SLC22A8: variants seen among roughly 807,000 people sequenced by gnomAD.
SLC22A8 encodes the protein solute carrier family 22 member 8, also known as organic anion transporter 3.
A neutral mutation model predicts 48.4 loss-of-function variants in SLC22A8; 40 were observed. The observed-to-expected ratio is 0.83, with a 90% CI of 0.64 to 1.08. The LOEUF (loss-of-function observed/expected upper bound fraction) is 1.08. Ranked by LOEUF, SLC22A8 falls within the 50% of genes least tolerant of loss-of-function variation. The pLI is 0.00. For synonymous variants in SLC22A8, 268 were observed against 286.3 expected (o/e 0.94, Z 0.65); for missense variants, 606 against 699.0 (o/e 0.87, Z 1.50).
rs182077681 is a variant in SLC22A8 at position 63,011,329 on chromosome 11, C to T, written c.333+3297G>A. On this transcript the variant is annotated intron_variant, in intron 2 of 10. Transcript: ENST00000336232. Reference sequence around the variant, plus strand: ...TGAAGATGAAATGAGTTTATGTGGCCGAAGTGCTTAGAACCATCTGGCACA... The same window carrying T: ...TGAAGATGAAATGAGTTTATGTGGCTGAAGTGCTTAGAACCATCTGGCACA... 3.9e-5 allele frequency among the ~76,000 whole-genome samples: 6 copies of T among 152,202 alleles called. No individual in the cohort carries two copies. The East Asian group carries it at 7.7e-4, about 20-fold the overall frequency.
Position 62,993,751 on chromosome 11 carries a change from C to T in SLC22A8, c.1325+19G>A. The stretch of plus-strand genomic sequence containing the variant: ...ACCTGTGTCCTCTGGCTGGGCCTGG[C>T]CCCAGGTCCAGCACCTACCTGATGA... On this transcript the variant is annotated intron_variant, in intron 9 of 10. Transcript: ENST00000336232. The T allele has an allele frequency of 6.3e-7, 1 of 1,591,574 alleles. No homozygotes were observed.
intron 2 of SLC22A8, among the ~76,000 whole-genome samples, chr11:63,010,807 G>A (rs1004482539): frequency 7.9e-5 from 12 of 152,318 alleles, no homozygotes; most frequent in Middle Eastern, 3.4e-3. Flanking sequence ...TGGCTCAAGC[G>A]TGAACTGATG....
rs959045991 is a variant in SLC22A8, at chr11:62,995,503, G to A, written c.1001+201C>T. 4 of 587,884 alleles carry A rather than the reference G, an allele frequency of 6.8e-6. No individual in the cohort carries two copies. In the Admixed American group the frequency reaches 9.0e-5, roughly 13 times the overall value. The allele number at this position is 587,884 out of a possible 1,614,324, so 36.4% of individuals were successfully genotyped here. On this transcript the variant is annotated intron_variant, in intron 7 of 10. Transcript: ENST00000336232. ...TGGGGCATTGTGACCCCAGAGGGAA[G>A]CAGACCCTGATGGCTGGACCTGGGT...
intron 5 of SLC22A8, among the ~76,000 whole-genome samples, chr11:62,998,343 T>A (rs1360582110): frequency 1.3e-5 from 2 of 152,150 alleles, no homozygotes; most frequent in Non-Finnish European, 2.9e-5. Flanking sequence ...CCACTCTGGG[T>A]CTCTGACCCA....
intron 2 of SLC22A8, among the ~76,000 whole-genome samples, chr11:63,008,278 C>A (rs2086579170): frequency 6.6e-6 from 1 of 152,126 alleles, no homozygotes. Flanking sequence ...AGGATGGGGC[C>A]CTGCTGTGTG....
rs11568481 is a variant in SLC22A8 at position 62,995,776 on chromosome 11, G to A, written c.929C>T (p.Ala310Val). The change falls in exon 7 of 11, where the codon GCC (alanine) becomes GTC (valine). Residue 310 changes from alanine (A) to valine (V), a missense_variant. Coordinates refer to ENST00000336232, the MANE Select transcript of SLC22A8 (RefSeq NM_004254.4). ...GAACAGGTCACTTGCGGTGTACTTG[G>A]CCTTGGCCAAGGAGATCTCCTTCTG... ...NLQKEISLAK[A>V]KYTASDLFRI... 734 of 1,614,146 alleles carry A rather than the reference G, an allele frequency of 4.5e-4. 3 individuals are homozygous for A. The Middle Eastern group carries it at 4.6e-3, about 10-fold the overall frequency.
Position 62,993,858 on chromosome 11 carries a change from C to T in SLC22A8, c.1237G>A (p.Val413Ile), listed in dbSNP as rs1027317888. 1 of 1,613,092 alleles carries T rather than the reference C, an allele frequency of 6.2e-7. No individual in the cohort carries two copies. The highest frequency in any genetic ancestry group is 1.7e-5 in the Admixed American group (1 of 60,026). ...VPLDLQTVRT[V>I]LAVFGKGCLS... Reference sequence around the variant, plus strand: ...CATCCCTTCCCAAACACAGCCAATACTGTCCTCACGGTCTGCAAGTCTGCA... The same window carrying T: ...CATCCCTTCCCAAACACAGCCAATATTGTCCTCACGGTCTGCAAGTCTGCA... Residue 413 changes from valine (V) to isoleucine (I), a missense_variant, in exon 9 of 11, where the codon GTA (valine) becomes ATA (isoleucine). By Grantham distance (29) the Val-to-Ile change is conservative. Transcript: ENST00000336232.
chr11:62,995,594 T>A, intron 7 of SLC22A8, 110 bp downstream of exon 7: 1 of 760,902 alleles, frequency 1.3e-6, no homozygotes, highest in East Asian at 2.5e-5. Context: ...GAGAGGGGAT[T>A]CTCTGACTTC....
intron 2 of SLC22A8, among the ~76,000 whole-genome samples, chr11:63,014,155 A>C (rs2086648517): frequency 6.6e-6 from 1 of 152,018 alleles, no homozygotes; most frequent in South Asian, 2.1e-4. Context: ...ACTGATGTTT[A>C]TATCTCAGTT....
rs757852292 is a variant in SLC22A8, at chr11:63,014,872, G to A, written c.87C>T (p.Leu29=). ...GCAGCAGGTTGTGGTTGGCCATGTT[G>A]AGGATCGGGAGGCCCAGTATGGCTA... ...LHVAILGLPI[L]NMANHNLLQI... Residue 29 remains leucine, a synonymous_variant, in exon 2 of 11, where the codon CTC becomes CTT. Transcript: ENST00000336232. The A allele has an allele frequency of 2.5e-6, 4 of 1,609,490 alleles. No individual in the cohort carries two copies. Among genetic ancestry groups the A allele is most frequent in the African/African-American group, 2.7e-5 (2 of 74,902 alleles).
chr11:63,005,202 G>C (rs1398091542), intron 2 of SLC22A8, among the ~76,000 whole-genome samples: 2 of 152,194 alleles, frequency 1.3e-5, no homozygotes, highest in Non-Finnish European at 2.9e-5. Context: ...AAGCACATCA[G>C]AACTGATGAG....
chr11:62,998,085 G>C (rs2086444972), intron 5 of SLC22A8, among the ~76,000 whole-genome samples: 1 of 152,084 alleles, frequency 6.6e-6, no homozygotes, highest in African/African-American at 2.4e-5. Flanking sequence ...CTGAGTAGCT[G>C]GGATTACAGG....
chr11:63,014,463 T>G, intron 2 of SLC22A8, 163 bp downstream of exon 2: 1 of 586,010 alleles, frequency 1.7e-6, no homozygotes, highest in Non-Finnish European at 3.0e-6. Flanking sequence ...GCCAAGGGTC[T>G]TGGTGCATGA....
chr11:63,008,198 C>A (rs914400546), intron 2 of SLC22A8, among the ~76,000 whole-genome samples: 5 of 152,194 alleles, frequency 3.3e-5, no homozygotes, highest in African/African-American at 4.8e-5. Context: ...GTGGCCCCTG[C>A]AGAGCATGAG....
At chr11:63,007,794 G>A (rs929036139) in intron 2 of SLC22A8, among the ~76,000 whole-genome samples, 4 of 152,322 alleles carry the variant, frequency 2.6e-5, no homozygotes, top group Admixed American at 2.0e-4. Context: ...ATGCTCAGGA[G>A]AAAGCTTTGC....
rs114396716 is a variant in SLC22A8, at chr11:62,994,322, C to T, written c.1216+220G>A. 2.6e-3 allele frequency: 1,535 copies of T among 586,790 alleles called. 21 individuals are homozygous for T. Among genetic ancestry groups the T allele is most frequent in the African/African-American group, 0.024 (1,308 of 53,586 alleles). The allele number at this position is 586,790 out of a possible 1,614,324, so 36.3% of individuals were successfully genotyped here. On this transcript the variant is annotated intron_variant, in intron 8 of 10. Coordinates refer to ENST00000336232, the MANE Select transcript of SLC22A8 (RefSeq NM_004254.4). ...AAAAATTTTCACACTATCCAGATAC[C>T]ACCATACTTTTTGCCCAGTCCAAGT...
Position 62,995,788 on chromosome 11 carries a change from G to A in SLC22A8, c.917C>T (p.Ser306Phe), listed in dbSNP as rs144073917. 6.2e-7 allele frequency: 1 copy of A among 1,614,034 alleles called. No homozygotes were observed. Among genetic ancestry groups the A allele is most frequent in the Non-Finnish European group, 8.5e-7 (1 of 1,179,904 alleles). The change falls in exon 7 of 11, where the codon TCC becomes TTC. Residue 306 changes from serine (S) to phenylalanine (F), a missense_variant. Transcript: ENST00000336232. ...ELKLNLQKEI[S>F]LAKAKYTASD... ...TGCGGTGTACTTGGCCTTGGCCAAG[G>A]AGATCTCCTTCTGCAGGTTGAGTTT...
chr11:63,003,480 G>A lies in SLC22A8; in HGVS notation c.334-2657C>T, dbSNP rs114053553. ...TGGGAGGAGATGGAGGAGGGACAAA[G>A]GTAAAGGAAGAAGCAAGGGGGTGTG... On this transcript the variant is annotated intron_variant, in intron 2 of 10. Transcript: ENST00000336232. Among the ~76,000 whole-genome samples, 719 of 152,178 alleles carry A rather than the reference G, an allele frequency of 4.7e-3. 7 individuals carry two copies. Among genetic ancestry groups the A allele is most frequent in the African/African-American group, 0.016 (682 of 41,504 alleles).
At chr11:63,009,964 G>C (rs751992514) in intron 2 of SLC22A8, among the ~76,000 whole-genome samples, 5 of 152,176 alleles carry the variant, frequency 3.3e-5, no homozygotes, top group Non-Finnish European at 7.3e-5. Context: ...GTCAGGGCCT[G>C]GGTGAGCTAG....
Sources: allele counts gnomAD v4.1 joint callset (sites outside exome capture counted in the v4.1 genomes callset), GRCh38; gene constraint gnomAD v4.1.1; transcripts MANE v1.5; gene names NCBI Gene and HGNC (gene_info 2026-07-23, HGNC 2026-07-21).